The following GALNTL6 variants were observed in gnomAD, a reference collection of about 807,000 sequenced individuals.
GALNTL6 encodes the protein polypeptide N-acetylgalactosaminyltransferase like 6, also known as polypeptide N-acetylgalactosaminyltransferase-like 6.
In GALNTL6, 46 loss-of-function variants were observed where a neutral mutation model predicts 73.7. That is an observed-to-expected ratio of 0.62 (90% confidence interval 0.49 to 0.80). The LOEUF is 0.80. GALNTL6 is among the 30% of genes least tolerant of loss of function. GALNTL6 has a pLI of 0.00. For synonymous variants in GALNTL6, 259 were observed against 263.7 expected (o/e 0.98, Z 0.17); for missense variants, 604 against 755.0 (o/e 0.80, Z 2.34).
intron 5 of GALNTL6, among the ~76,000 whole-genome samples, chr4:172,362,327 G>GATA (rs2111241610): frequency 6.6e-6 from 1 of 151,984 alleles, no homozygotes; most frequent in East Asian, 1.9e-4. Context: ...TAATTAATTT[G>GATA]ATAATTTAAG....
rs533925389 is a variant in GALNTL6 at position 172,539,365 on chromosome 4, A to G, written c.553+190676A>G. On this transcript the variant is annotated intron_variant, in intron 5 of 12. Transcript: ENST00000506823. ...ACATAAACTATTGTTACCAGGCAAT[A>G]AAGTAAGGTGGAGCTGAATGAATTT... 1.7e-4 allele frequency among the ~76,000 whole-genome samples: 26 copies of G among 152,346 alleles called. No individual in the cohort carries two copies. The South Asian group carries it at 5.2e-3, about 30-fold the overall frequency.
chr4:172,805,151 T>C (rs1262724252), intron 5 of GALNTL6, among the ~76,000 whole-genome samples: 1 of 152,140 alleles, frequency 6.6e-6, no homozygotes, highest in East Asian at 1.9e-4. Flanking sequence ...GTGAAATGAC[T>C]TACCCAAAGT....
At chr4:171,953,345 A>C (rs1738947382) in intron 2 of GALNTL6, among the ~76,000 whole-genome samples, 1 of 152,048 alleles carries the variant, frequency 6.6e-6, no homozygotes, top group African/African-American at 2.4e-5. Context: ...AGATATTAAG[A>C]CTTACTACTT....
intron 5 of GALNTL6, among the ~76,000 whole-genome samples, chr4:172,410,583 TC>T (rs202183625): frequency 0.011 from 1,735 of 152,226 alleles, 32 homozygotes; most frequent in African/African-American, 0.039. Flanking sequence ...AGTCATGTCA[TC>T]CCTTATGGTC....
intron 4 of GALNTL6, among the ~76,000 whole-genome samples, chr4:172,333,328 C>G (rs1423159091): frequency 6.6e-6 from 1 of 152,110 alleles, no homozygotes; most frequent in Non-Finnish European, 1.5e-5. Flanking sequence ...TCGCTTGAAC[C>G]TGGGAGATGG....
intron 10 of GALNTL6, 114 bp from the exon 11 acceptor site, chr4:173,009,064 T>C: frequency 1.4e-6 from 1 of 718,818 alleles, no homozygotes; most frequent in Non-Finnish European, 2.5e-6. Flanking sequence ...TCATTCAATA[T>C]GCATGTAACC....
At chr4:172,024,830 C>G (rs1160895355) in intron 2 of GALNTL6, among the ~76,000 whole-genome samples, 2 of 148,796 alleles carry the variant, frequency 1.3e-5, no homozygotes, top group Non-Finnish European at 3.0e-5. Context: ...TTCCCTCCCA[C>G]CCTCCCTTCT....
chr4:172,393,463 C>T (rs1743738491), intron 5 of GALNTL6, among the ~76,000 whole-genome samples: 1 of 152,130 alleles, frequency 6.6e-6, no homozygotes, highest in African/African-American at 2.4e-5. Flanking sequence ...AGACTCCAAC[C>T]ACTCTGAGTA....
intron 2 of GALNTL6, among the ~76,000 whole-genome samples, chr4:171,831,591 A>G (rs920813270): frequency 8.6e-5 from 13 of 151,818 alleles, no homozygotes; most frequent in Non-Finnish European, 1.6e-4. Flanking sequence ...GTTCATTTCA[A>G]TAGTGTATGA....
intron 2 of GALNTL6, among the ~76,000 whole-genome samples, chr4:171,857,809 T>G (rs1560816162): frequency 6.6e-6 from 1 of 152,152 alleles, no homozygotes; most frequent in Non-Finnish European, 1.5e-5. Flanking sequence ...TAATTTGGGA[T>G]GAAGCAAGAG....
intron 2 of GALNTL6, among the ~76,000 whole-genome samples, chr4:171,853,051 G>A (rs1472283496): frequency 4.6e-5 from 5 of 109,074 alleles, no homozygotes; most frequent in African/African-American, 1.7e-4. Flanking sequence ...TTTTAGTAGA[G>A]ACGGGGTTTC....
rs185993473 is a variant in GALNTL6, at chr4:172,809,663, A to G, written c.739+117A>G. The G allele has an allele frequency of 6.1e-5, 45 of 733,642 alleles. No individual in the cohort carries two copies. In the African/African-American group the frequency reaches 7.1e-4, roughly 12 times the overall value. The allele number at this position is 733,642 out of a possible 1,614,324, so 45.4% of individuals were successfully genotyped here. A position where few individuals can be genotyped will look rare whatever the true frequency, so the allele number is the denominator to read the frequency against. ...GTCCCTTCTACAAGTTTTCCAGGGG[A>G]AGCCTTGAATTTTATATTTACCACT... On this transcript the variant is annotated intron_variant, in intron 6 of 12. Transcript: ENST00000506823. The surrounding 1 kb of genome is among the most constrained non-coding windows in gnomAD (Gnocchi z 4.4).
Position 172,672,977 on chromosome 4 carries a change from T to G in GALNTL6, c.554-136384T>G, listed in dbSNP as rs560279414. On this transcript the variant is annotated intron_variant, in intron 5 of 12. Coordinates refer to ENST00000506823, the MANE Select transcript of GALNTL6 (RefSeq NM_001034845.3). Reference sequence around the variant, plus strand: ...TTAATTTTTTCAAAAAATGAGCTTCTGGATTAATTGATCTTTTGAATGGTT... The same window carrying G: ...TTAATTTTTTCAAAAAATGAGCTTCGGGATTAATTGATCTTTTGAATGGTT... 1.6e-4 allele frequency among the ~76,000 whole-genome samples: 25 copies of G among 152,318 alleles called. 1 individual carries two copies. In the South Asian group the frequency reaches 5.2e-3, roughly 32 times the overall value.
At chr4:172,125,744 A>AT (rs1012636392) in intron 2 of GALNTL6, among the ~76,000 whole-genome samples, 6 of 152,024 alleles carry the variant, frequency 3.9e-5, no homozygotes, top group African/African-American at 1.5e-4. Context: ...AAAAATTATT[A>AT]TTTTTTTGTT....
At chr4:172,784,173 C>T (rs7681189) in intron 5 of GALNTL6, among the ~76,000 whole-genome samples, 65,627 of 151,906 alleles carry the variant, frequency 0.43, 17,260 homozygotes, top group East Asian at 0.72. Flanking sequence ...TATAGTTGTA[C>T]AGCAGACAGA....
chr4:172,053,301 A>G (rs910362677), intron 2 of GALNTL6, among the ~76,000 whole-genome samples: 2 of 152,122 alleles, frequency 1.3e-5, no homozygotes, highest in African/African-American at 4.8e-5. Context: ...ACACAATAAT[A>G]CAGGGGATCA....
chr4:172,600,484 G>A (rs1579229456), intron 5 of GALNTL6, among the ~76,000 whole-genome samples: 2 of 152,098 alleles, frequency 1.3e-5, no homozygotes, highest in East Asian at 3.9e-4. Context: ...ACTGGTATTT[G>A]AGTAGTAGAA....
intron 2 of GALNTL6, among the ~76,000 whole-genome samples, chr4:171,925,542 A>G (rs1737950010): frequency 6.6e-6 from 1 of 152,212 alleles, no homozygotes; most frequent in Non-Finnish European, 1.5e-5. Flanking sequence ...AGGCTTGTAT[A>G]CAGAATGAAT....
chr4:172,376,900 C>T (rs1487137991), intron 5 of GALNTL6, among the ~76,000 whole-genome samples: 1 of 152,100 alleles, frequency 6.6e-6, no homozygotes, highest in Non-Finnish European at 1.5e-5. Context: ...TGTGTTGTTT[C>T]TTCCTTCTGT....
Sources: gnomAD v4.1 joint callset for allele counts (sites outside exome capture counted in the v4.1 genomes callset) on GRCh38, gnomAD v4.1.1 for gene constraint, Gnocchi (gnomAD v3.1) non-coding constraint, MANE v1.5 for transcripts, NCBI Gene and HGNC (gene_info 2026-07-23, HGNC 2026-07-21) for gene names.